TBL1X: variants seen among roughly 807,000 people sequenced by gnomAD.
TBL1X encodes the protein transducin beta like 1 X-linked, also known as F-box-like/WD repeat-containing protein TBL1X.
TBL1X carries 10 observed loss-of-function variants against 50.7 expected under a neutral mutation model. The ratio of observed to expected loss-of-function variants is 0.20; its 90% confidence interval spans 0.12 to 0.33. The LOEUF (loss-of-function observed/expected upper bound fraction) is 0.33, where lower values mean the gene tolerates loss of function less well. TBL1X is among the 10% of genes least tolerant of loss of function. TBL1X has a pLI of 1.00. For synonymous variants in TBL1X, 190 were observed against 214.7 expected (o/e 0.88, Z 1.01); for missense variants, 340 against 504.4 (o/e 0.67, Z 3.12).
chrX:9,595,955 C>A (rs1342366992), intron 2 of TBL1X, among the ~76,000 whole-genome samples: 1 of 112,229 alleles, frequency 8.9e-6, no homozygotes, highest in Admixed American at 9.4e-5. Flanking sequence ...AAATTGTTTC[C>A]GCAAAGGCAT....
chrX:9,691,450 A>G (rs67241809), intron 7 of TBL1X, 129 bp from the exon 8 acceptor site: 95,283 of 647,950 alleles, frequency 0.15, 5,072 homozygotes, highest in Admixed American at 0.17. Flanking sequence ...AAAAAAAAAA[A>G]AAAAGAAAAG....
chrX:9,648,157 C>G (rs1451122364), intron 3 of TBL1X, among the ~76,000 whole-genome samples: 1 of 111,281 alleles, frequency 9.0e-6, no homozygotes, highest in East Asian at 2.8e-4. Context: ...CTCTGTGGCT[C>G]TCAGGACGTG....
chrX:9,596,370 A>G (rs769111721), intron 2 of TBL1X, among the ~76,000 whole-genome samples: 57 of 112,068 alleles, frequency 5.1e-4, no homozygotes, highest in African/African-American at 1.8e-3. Context: ...GGTCAGCAAA[A>G]TTGGCCATCT....
At chrX:9,518,014 G>T (rs1177231449) in intron 2 of TBL1X, among the ~76,000 whole-genome samples, 1 of 106,647 alleles carries the variant, frequency 9.4e-6, no homozygotes, top group African/African-American at 3.4e-5. Flanking sequence ...CGGGAGGATT[G>T]TTTGAGCCCA....
At chrX:9,591,579 G>C (rs888251313) in intron 2 of TBL1X, among the ~76,000 whole-genome samples, 1 of 112,399 alleles carries the variant, frequency 8.9e-6, no homozygotes, top group African/African-American at 3.2e-5. Context: ...GGTGTGTGCA[G>C]AGCATCAGCT....
chrX:9,509,086 T>G (rs1054749593), intron 2 of TBL1X, among the ~76,000 whole-genome samples: 1 of 109,158 alleles, frequency 9.2e-6, no homozygotes, highest in African/African-American at 3.3e-5. Flanking sequence ...TTTTTGTTTT[T>G]TTTTTGTTTT....
At chrX:9,602,307 A>G (rs2082561228) in intron 2 of TBL1X, among the ~76,000 whole-genome samples, 1 of 111,016 alleles carries the variant, frequency 9.0e-6, no homozygotes, top group Non-Finnish European at 1.9e-5. Flanking sequence ...CATGATCATT[A>G]AGTAGAAATC....
At chrX:9,684,257 T>G (rs2083043019) in intron 6 of TBL1X, 69 bp downstream of exon 6, 1 of 1,169,969 alleles carries the variant, frequency 8.5e-7, no homozygotes, top group Admixed American at 2.3e-5. Flanking sequence ...TGGAACACAT[T>G]GGAAGCTAAC....
Position 9,511,866 on chromosome X carries a change from T to G in TBL1X, c.-131+10017T>G, listed in dbSNP as rs1468688215. Among the ~76,000 whole-genome samples the G allele has an allele frequency of 2.7e-5, 3 of 112,004 alleles. No homozygotes were observed. In the East Asian group the frequency reaches 8.4e-4, roughly 31 times the overall value. ...TGTCTACTTCTTAACATTTATCTGT[T>G]TTTTTTTCTTTTTTGAGAGGGTCTT... On this transcript the variant is annotated intron_variant, in intron 2 of 17. Coordinates refer to ENST00000645353, the MANE Select transcript of TBL1X (RefSeq NM_005647.4).
intron 2 of TBL1X, among the ~76,000 whole-genome samples, chrX:9,627,481 G>GAGTCAGGAAAA (rs2082698502): frequency 8.9e-6 from 1 of 112,018 alleles, no homozygotes; most frequent in African/African-American, 3.2e-5. Context: ...AAGTATCATA[G>GAGTCAGGAAAA]AAAATCCAAA....
At chrX:9,601,803 C>T (rs1239168305) in intron 2 of TBL1X, among the ~76,000 whole-genome samples, 1 of 112,050 alleles carries the variant, frequency 8.9e-6, no homozygotes, top group Non-Finnish European at 1.9e-5. Context: ...GTAGTCCCAG[C>T]ACTTTGGGAG....
At chrX:9,621,855 G>A (rs925870880) in intron 2 of TBL1X, among the ~76,000 whole-genome samples, 1 of 111,693 alleles carries the variant, frequency 9.0e-6, no homozygotes, top group East Asian at 2.8e-4. Context: ...TAAGTTTGAC[G>A]AACATTCAGA....
chrX:9,533,279 G>A (rs2082171541), intron 2 of TBL1X, among the ~76,000 whole-genome samples: 1 of 111,576 alleles, frequency 9.0e-6, no homozygotes, highest in African/African-American at 3.3e-5. Context: ...TGTTGAAGAT[G>A]TGCGTGAATG....
intron 5 of TBL1X, among the ~76,000 whole-genome samples, chrX:9,659,280 C>A (rs1488131409): frequency 8.9e-6 from 1 of 112,409 alleles, no homozygotes; most frequent in Non-Finnish European, 1.9e-5. Flanking sequence ...CTTCCACCCC[C>A]ACCCTGCCCC....
intron 2 of TBL1X, among the ~76,000 whole-genome samples, chrX:9,600,338 C>A (rs2082548864): frequency 9.3e-6 from 1 of 108,030 alleles, no homozygotes; most frequent in Non-Finnish European, 1.9e-5. Flanking sequence ...AGAGCGCTCT[C>A]TGGGGTCCCT....
intron 2 of TBL1X, among the ~76,000 whole-genome samples, chrX:9,571,077 G>A (rs1427119337): frequency 1.8e-5 from 2 of 112,410 alleles, no homozygotes; most frequent in Non-Finnish European, 3.8e-5. Flanking sequence ...CACAGGCTGT[G>A]TGGCTTAAAC....
chrX:9,648,869 T>C (rs2082819123), intron 3 of TBL1X, among the ~76,000 whole-genome samples: 1 of 112,599 alleles, frequency 8.9e-6, no homozygotes, highest in Non-Finnish European at 1.9e-5. Flanking sequence ...AATTTAGTTC[T>C]GGTCTTAGAA....
intron 5 of TBL1X, among the ~76,000 whole-genome samples, chrX:9,682,205 G>A (rs1285149438): frequency 8.9e-6 from 1 of 112,124 alleles, no homozygotes; most frequent in Admixed American, 9.4e-5. Flanking sequence ...GTAGGAGTGG[G>A]TAGGAGAAAA....
chrX:9,471,550 G>T (rs983434694), intron 1 of TBL1X, among the ~76,000 whole-genome samples: 1 of 112,130 alleles, frequency 8.9e-6, no homozygotes, highest in Non-Finnish European at 1.9e-5. Context: ...TAGAGTATCA[G>T]TTTTCCCATG....
Sources: allele counts gnomAD v4.1 joint callset (sites outside exome capture counted in the v4.1 genomes callset), GRCh38; gene constraint gnomAD v4.1.1; transcripts MANE v1.5; gene names NCBI Gene and HGNC (gene_info 2026-07-23, HGNC 2026-07-21).